Variants in RAB19 observed in about 807,000 individuals in gnomAD.
RAB19 encodes the protein RAB19, member RAS oncogene family.
In RAB19, 21 loss-of-function variants were observed where a neutral mutation model predicts 17.3. The ratio of observed to expected loss-of-function variants is 1.21; its 90% CI spans 0.86 to 1.74. RAB19 has a LOEUF of 1.74. RAB19 is among the 40% of genes most tolerant of loss of function. The pLI is 0.00. For synonymous variants in RAB19, 126 were observed against 110.4 expected (o/e 1.14, Z -0.88); for missense variants, 277 against 286.8 (o/e 0.97, Z 0.25).
intron 3 of RAB19, among the ~76,000 whole-genome samples, chr7:140,415,020 A>G (rs1348730034): frequency 6.6e-6 from 1 of 150,714 alleles, no homozygotes; most frequent in East Asian, 2.0e-4. Context: ...CTGGCTTCCC[A>G]TCTTTCTCCT....
chr7:140,411,764 T>A (rs1462811933), intron 2 of RAB19, 110 bp from the exon 3 acceptor site: 15 of 1,593,532 alleles, frequency 9.4e-6, no homozygotes, highest in Non-Finnish European at 1.2e-5. Flanking sequence ...TGGGTCTGAA[T>A]ATCTAGAAGT....
intron 3 of RAB19, among the ~76,000 whole-genome samples, chr7:140,424,639 A>ATATG (rs1554442794): frequency 2.5e-4 from 35 of 138,332 alleles, no homozygotes; most frequent in African/African-American, 5.5e-4. Context: ...ATATATATAT[A>ATATG]TGTGTGTGTG....
chr7:140,407,491 C>T (rs1301112300), intron 1 of RAB19, 133 bp from the exon 2 acceptor site: 29 of 637,286 alleles, frequency 4.6e-5, no homozygotes, highest in Non-Finnish European at 7.8e-5. Context: ...GGGACAACTC[C>T]TCTGTGCCCG....
intron 3 of RAB19, among the ~76,000 whole-genome samples, chr7:140,412,527 A>G (rs970325690): frequency 2.0e-4 from 29 of 142,032 alleles, no homozygotes; most frequent in Middle Eastern, 3.6e-3. Context: ...TGCCCAGCCC[A>G]TTTTTTTTTT....
At position 140,426,850 on chromosome 7, in the gene RAB19, T is replaced by TC. The variant is rs1370370089; in HGVS notation, c.*700_*701insC. ...AATTTTTTTTCTTTCTTTTTTTTTT[T>TC]TTTTTTTTTGAGACAGGGTCATACT... On this transcript the variant is annotated 3_prime_UTR_variant, in exon 4 of 4. Coordinates refer to ENST00000537763, the MANE Select transcript of RAB19 (RefSeq NM_001008749.3). Among the ~76,000 whole-genome samples, 1 of 149,442 alleles carries TC rather than the reference T, an allele frequency of 6.7e-6. No homozygotes were observed. Among genetic ancestry groups the TC allele is most frequent in the East Asian group, 1.9e-4 (1 of 5,138 alleles).
At chr7:140,405,042 G>A (rs1293245056) in intron 1 of RAB19, among the ~76,000 whole-genome samples, 1 of 152,122 alleles carries the variant, frequency 6.6e-6, no homozygotes, top group African/African-American at 2.4e-5. Context: ...TTTAAGCATA[G>A]GTGGACATTT....
chr7:140,425,434 G>T (rs1799646684), intron 3 of RAB19, among the ~76,000 whole-genome samples: 1 of 151,990 alleles, frequency 6.6e-6, no homozygotes, highest in South Asian at 2.1e-4. Flanking sequence ...AGAGTAAAAA[G>T]AGGAGCAAGG....
chr7:140,413,299 G>C (rs1045851354), intron 3 of RAB19, among the ~76,000 whole-genome samples: 3 of 151,582 alleles, frequency 2.0e-5, no homozygotes, highest in Admixed American at 1.3e-4. Context: ...AGTATAATTT[G>C]AAGTCAGGCA....
chr7:140,424,578 G>A (rs1799618735), intron 3 of RAB19, among the ~76,000 whole-genome samples: 1 of 130,682 alleles, frequency 7.7e-6, no homozygotes, highest in African/African-American at 3.1e-5. Flanking sequence ...GGGTAAACTG[G>A]ACCTCTCCCT....
chr7:140,418,167 T>G (rs1428532042), intron 3 of RAB19, among the ~76,000 whole-genome samples: 2 of 151,746 alleles, frequency 1.3e-5, no homozygotes, highest in Non-Finnish European at 3.0e-5. Context: ...TTTCAAAATA[T>G]TTTTTATTGG....
intron 3 of RAB19, among the ~76,000 whole-genome samples, chr7:140,422,022 G>T (rs902785076): frequency 6.6e-6 from 1 of 151,812 alleles, no homozygotes; most frequent in Non-Finnish European, 1.5e-5. Flanking sequence ...TTGATTTTTT[G>T]TGTATGGTGA....
At chr7:140,406,352 T>C (rs182270236) in intron 1 of RAB19, among the ~76,000 whole-genome samples, 2 of 151,790 alleles carry the variant, frequency 1.3e-5, no homozygotes, top group African/African-American at 4.8e-5. Flanking sequence ...GAAACCTTAA[T>C]TTTCTGGCGG....
rs1257842012 is a variant in RAB19, at chr7:140,427,379, C to T, written c.*1229C>T. Among the ~76,000 whole-genome samples the T allele has an allele frequency of 6.7e-6, 1 of 150,118 alleles. No individual in the cohort carries two copies. Among genetic ancestry groups the T allele is most frequent in the African/African-American group, 2.5e-5 (1 of 40,698 alleles). ...ACGTTGGTCAGGCTGGTCTTGAACT[C>T]CTGACCTCATGATCCACCCGTCTCG... On this transcript the variant is annotated 3_prime_UTR_variant, in exon 4 of 4. Transcript: ENST00000537763.
rs527660520 is a variant in RAB19 at position 140,412,987 on chromosome 7, G to A, written c.385+930G>A. On this transcript the variant is annotated intron_variant, in intron 3 of 3. Coordinates refer to ENST00000537763, the MANE Select transcript of RAB19 (RefSeq NM_001008749.3). ...AAAAAATAAAAAAAATTAGCTGAGC[G>A]TGGTGGTGCACACCTGCAGTCCCAG... 6.4e-4 allele frequency among the ~76,000 whole-genome samples: 98 copies of A among 152,018 alleles called. 1 individual carries two copies. In the South Asian group the frequency reaches 6.7e-3, roughly 10 times the overall value.
chr7:140,416,319 ACT>A (rs909740522), intron 3 of RAB19, among the ~76,000 whole-genome samples: 35 of 151,882 alleles, frequency 2.3e-4, no homozygotes, highest in African/African-American at 8.0e-4. Flanking sequence ...CAAGAACAAA[ACT>A]CTGTCTAAAA....
At position 140,411,854 on chromosome 7, in the gene RAB19, T is replaced by C. The variant is rs764933298; in HGVS notation, c.202-20T>C. ...CTGTGGGAACCCCTGATTTGGACTC[T>C]CCTTCCTGTCCTTCTCCAGATGCAG... On this transcript the variant is annotated intron_variant, in intron 2 of 3. Transcript: ENST00000537763. 6.8e-6 allele frequency: 11 copies of C among 1,613,946 alleles called. No homozygotes were observed. The South Asian group carries it at 8.8e-5, about 13-fold the overall frequency.
intron 1 of RAB19, among the ~76,000 whole-genome samples, chr7:140,405,192 G>T (rs1799213671): frequency 6.9e-6 from 1 of 144,780 alleles, no homozygotes; most frequent in East Asian, 2.1e-4. Flanking sequence ...AAGAGAGACA[G>T]AGGTTTTTGG....
At position 140,426,039 on chromosome 7, in the gene RAB19, G is replaced by T. The variant is rs4726807; in HGVS notation, c.543G>T (p.Ala181=). ...TGCTCATGGCCAAGGAGCTGATCGC[G>T]CGCAACAGCCTGCACCTATATGGGG... ...VFVLMAKELI[A]RNSLHLYGES... The change falls in exon 4 of 4, where the codon GCG becomes GCT. Residue 181 remains alanine, a synonymous_variant. Coordinates refer to ENST00000537763, the MANE Select transcript of RAB19 (RefSeq NM_001008749.3). The T allele has an allele frequency of 3.1e-3, 4,934 of 1,614,100 alleles. 12 individuals carry two copies. The highest frequency in any genetic ancestry group is 3.7e-3 in the Non-Finnish European group (4,320 of 1,180,022).
chr7:140,427,133 T>C lies in RAB19; in HGVS notation c.*983T>C, dbSNP rs1248200430. Among the ~76,000 whole-genome samples the C allele has an allele frequency of 7.0e-6, 1 of 143,394 alleles. No homozygotes were observed. Among genetic ancestry groups the C allele is most frequent in the Non-Finnish European group, 1.5e-5 (1 of 66,498 alleles). The allele number at this position is 143,394 out of a possible 152,430, so 94.1% of individuals were successfully genotyped here. A position where few individuals can be genotyped will look rare whatever the true frequency, so the allele number is the denominator to read the frequency against. ...CTGGGATTACAGGCATGAGCCACCATGCCTGTTCTTTTTTTTTTTTTTTTT... is the reference window on the plus strand; with the variant it reads ...CTGGGATTACAGGCATGAGCCACCACGCCTGTTCTTTTTTTTTTTTTTTTT... On this transcript the variant is annotated 3_prime_UTR_variant, in exon 4 of 4. Transcript: ENST00000537763.
Sources: gnomAD v4.1 joint callset for allele counts (sites outside exome capture counted in the v4.1 genomes callset) on GRCh38, gnomAD v4.1.1 for gene constraint, MANE v1.5 for transcripts, NCBI Gene and HGNC (gene_info 2026-07-23, HGNC 2026-07-21) for gene names.